Variants in ABLIM1 observed in about 807,000 individuals in gnomAD.
ABLIM1 encodes the protein actin binding LIM protein 1.
Under a neutral mutation model 107.0 loss-of-function variants are expected in ABLIM1, and 40 were observed. That is an observed-to-expected ratio of 0.37 (90% CI 0.29 to 0.49). ABLIM1 has a LOEUF of 0.49. ABLIM1 is among the 20% of genes least tolerant of loss of function. The pLI, the probability that ABLIM1 is intolerant of heterozygous loss-of-function variation, is 0.97. For missense variants in ABLIM1, 857 were observed against 1,008.5 expected, an observed-to-expected ratio of 0.85 and a Z score of 2.04; for synonymous variants, 357 against 357.3, an observed-to-expected ratio of 1.00 and a Z score of 0.01.
chr10:114,593,102 A>G (rs1350440476), intron 2 of ABLIM1, among the ~76,000 whole-genome samples: 1 of 152,218 alleles, frequency 6.6e-6, no homozygotes, highest in Non-Finnish European at 1.5e-5. Context: ...TGAAACGCTT[A>G]TTTTAAAAAT....
At chr10:114,793,851 G>A in the ABLIM1 span, among the ~76,000 whole-genome samples, 2 of 152,180 alleles carry the variant, frequency 1.3e-5, no homozygotes, top group African/African-American at 4.8e-5. Flanking sequence ...CTGCATTGCA[G>A]TCTGAAAGCT....
intron 8 of ABLIM1, among the ~76,000 whole-genome samples, chr10:114,478,729 T>C (rs543341714): frequency 1.3e-5 from 2 of 152,350 alleles, no homozygotes; most frequent in African/African-American, 2.4e-5. Context: ...CAGTTCTTTA[T>C]AGCAGCGTGA....
the ABLIM1 span, among the ~76,000 whole-genome samples, chr10:114,777,609 C>T: frequency 6.6e-6 from 1 of 152,218 alleles, no homozygotes; most frequent in African/African-American, 2.4e-5. Flanking sequence ...TGGGATATTT[C>T]ACTCTGCCTC....
chr10:114,736,963 C>T (rs1194339676), intron 1 of ABLIM1, among the ~76,000 whole-genome samples: 2 of 152,100 alleles, frequency 1.3e-5, no homozygotes, highest in African/African-American at 2.4e-5. Flanking sequence ...CTGAGGCAGG[C>T]GGATCACTTG....
intron 6 of ABLIM1, among the ~76,000 whole-genome samples, chr10:114,514,522 G>A (rs1482803150): frequency 6.6e-6 from 1 of 151,900 alleles, no homozygotes; most frequent in Non-Finnish European, 1.5e-5. Flanking sequence ...ACAGATGCAT[G>A]TGCCACCATA....
intron 1 of ABLIM1, among the ~76,000 whole-genome samples, chr10:114,731,442 ATGTTTGTTTGTT>A (rs544185023): frequency 1.4e-5 from 2 of 144,060 alleles, no homozygotes; most frequent in African/African-American, 2.6e-5. Context: ...ATGCCTAGAC[ATGTTTGTTTGTT>A]TGTTTGTTTG....
At chr10:114,488,508 T>C (rs993606465) in intron 7 of ABLIM1, among the ~76,000 whole-genome samples, 8 of 152,248 alleles carry the variant, frequency 5.3e-5, no homozygotes, top group Non-Finnish European at 1.0e-4. Flanking sequence ...CAATTATACA[T>C]AGTCACCTAC....
rs571039681 is a variant in ABLIM1 at position 114,515,670 on chromosome 10, A to G, written c.895-23792T>C. Among the ~76,000 whole-genome samples, 9 of 152,322 alleles carry G rather than the reference A, an allele frequency of 5.9e-5. No individual in the cohort carries two copies. In the East Asian group the frequency reaches 1.7e-3, roughly 29 times the overall value. Reference sequence around the variant, plus strand: ...CCTCAGGGTGTGACCTTATTTGGAAATAGGGTTGTTGCAGATGTTAATTAG... The same window carrying G: ...CCTCAGGGTGTGACCTTATTTGGAAGTAGGGTTGTTGCAGATGTTAATTAG... On this transcript the variant is annotated intron_variant, in intron 6 of 22. Transcript: ENST00000533213.
At chr10:114,606,970 T>C (rs2076459366) in intron 1 of ABLIM1, among the ~76,000 whole-genome samples, 1 of 152,160 alleles carries the variant, frequency 6.6e-6, no homozygotes, top group Non-Finnish European at 1.5e-5. Flanking sequence ...TTGTCCACCT[T>C]CACATCCCCT....
Position 114,629,509 on chromosome 10 carries a change from GA to G in ABLIM1, c.245-27549del, listed in dbSNP as rs369688206. Among the ~76,000 whole-genome samples the G allele has an allele frequency of 1.3e-5, 2 of 152,312 alleles. No homozygotes were observed. Among genetic ancestry groups the G allele is most frequent in the South Asian group, 2.1e-4 (1 of 4,826 alleles). On this transcript the variant is annotated intron_variant, in intron 1 of 22. Coordinates refer to ENST00000533213, the MANE Select transcript of ABLIM1 (RefSeq NM_002313.7). This position sits in a 1 kb window ranked among gnomAD's most constrained non-coding sequence, Gnocchi z 4.0. Reference sequence around the variant, plus strand: ...GGTTGTTTGAAGATCTACAGTGGGGGAAACACTAACCTATGCACTGGAAAGT... The same window carrying G: ...GGTTGTTTGAAGATCTACAGTGGGGGAACACTAACCTATGCACTGGAAAGT...
chr10:114,594,436 G>T (rs577707666), intron 2 of ABLIM1, among the ~76,000 whole-genome samples: 3 of 152,268 alleles, frequency 2.0e-5, no homozygotes, highest in African/African-American at 7.2e-5. Flanking sequence ...ATAAATCTTT[G>T]TGACTAGCTA....
chr10:114,675,770 G>C (rs941709196), intron 1 of ABLIM1, among the ~76,000 whole-genome samples: 2 of 152,218 alleles, frequency 1.3e-5, no homozygotes, highest in African/African-American at 4.8e-5. Flanking sequence ...CTGGAGACTA[G>C]AAATTCAAAG....
In ABLIM1 at chr10:114,472,958, A is replaced by C; in HGVS notation, c.1275+19T>G. The C allele has an allele frequency of 6.5e-7, 1 of 1,533,766 alleles. No homozygotes were observed. The highest frequency in any genetic ancestry group is 8.8e-7 in the Non-Finnish European group (1 of 1,135,564). On this transcript the variant is annotated intron_variant, in intron 10 of 22. Coordinates refer to ENST00000533213, the MANE Select transcript of ABLIM1 (RefSeq NM_002313.7). ...AAGGTAAATTGTTGTACAACTCACA[A>C]CCAGTAGGAATGTATTACCTCTCCA...
intron 1 of ABLIM1, among the ~76,000 whole-genome samples, chr10:114,748,675 G>A (rs1427649899): frequency 1.6e-5 from 2 of 125,540 alleles, no homozygotes; most frequent in Admixed American, 1.7e-4. Context: ...TTTTTTTTTA[G>A]TGATGAGGTC....
At chr10:114,726,184 T>A (rs1250045415) in intron 1 of ABLIM1, among the ~76,000 whole-genome samples, 2 of 152,054 alleles carry the variant, frequency 1.3e-5, no homozygotes, top group East Asian at 3.8e-4. Flanking sequence ...AGAAATTTGT[T>A]GTTGTTGTTA....
At chr10:114,655,343 G>A (rs889268021) in intron 1 of ABLIM1, among the ~76,000 whole-genome samples, 8 of 152,180 alleles carry the variant, frequency 5.3e-5, no homozygotes, top group African/African-American at 1.9e-4. Context: ...CCAAGTGAGG[G>A]AATCTGCTGA....
intron 1 of ABLIM1, among the ~76,000 whole-genome samples, chr10:114,752,098 G>A (rs1394903135): frequency 6.6e-6 from 1 of 152,198 alleles, no homozygotes; most frequent in African/African-American, 2.4e-5. Flanking sequence ...TGCATTACAG[G>A]AATTGAGTCA....
chr10:114,794,255 C>T, the ABLIM1 span, among the ~76,000 whole-genome samples: 1 of 152,238 alleles, frequency 6.6e-6, no homozygotes, highest in Non-Finnish European at 1.5e-5. Flanking sequence ...TTCATTTTCT[C>T]TTCACTACAT....
chr10:114,661,037 ATT>A (rs543251569), upstream of ABLIM1, among the ~76,000 whole-genome samples: 27 of 149,468 alleles, frequency 1.8e-4, no homozygotes, highest in African/African-American at 6.1e-4. Context: ...ACACTCCTAA[ATT>A]TTTTTTTTTA....
Sources: gnomAD v4.1 joint callset for allele counts (sites outside exome capture counted in the v4.1 genomes callset) on GRCh38, gnomAD v4.1.1 for gene constraint, Gnocchi (gnomAD v3.1) non-coding constraint, MANE v1.5 for transcripts, NCBI Gene and HGNC (gene_info 2026-07-23, HGNC 2026-07-21) for gene names.